Variants in CRIM1 observed in about 807,000 individuals in gnomAD.
CRIM1 encodes the protein cysteine rich transmembrane BMP regulator 1.
In CRIM1, 32 loss-of-function variants were observed where a neutral mutation model predicts 116.4. That is an observed-to-expected ratio of 0.27 (90% CI 0.21 to 0.37). CRIM1 has a LOEUF of 0.37. Ranked by LOEUF, CRIM1 falls within the 10% of genes least tolerant of loss-of-function variation. The pLI is 1.00. For missense variants in CRIM1, 1,331 were observed against 1,354.8 expected (o/e 0.98, Z 0.28); for synonymous variants, 590 against 509.2 (o/e 1.16, Z -2.13).
intron 4 of CRIM1, among the ~76,000 whole-genome samples, chr2:36,446,191 T>C (rs555327213): frequency 6.6e-6 from 1 of 152,308 alleles, no homozygotes; most frequent in African/African-American, 2.4e-5. Flanking sequence ...TCCCCTATCT[T>C]GAAGAATACA....
rs919283492 is a variant in CRIM1 at position 36,383,644 on chromosome 2, A to T, written c.332-12970A>T. Among the ~76,000 whole-genome samples, 3 of 152,190 alleles carry T rather than the reference A, an allele frequency of 2.0e-5. No individual in the cohort carries two copies. In the East Asian group the frequency reaches 5.8e-4, roughly 29 times the overall value. On this transcript the variant is annotated intron_variant, in intron 1 of 16. Coordinates refer to ENST00000280527, the MANE Select transcript of CRIM1 (RefSeq NM_016441.3). Reference sequence around the variant, plus strand: ...GAGGGAAGCAGTTTCTGCTCTCAAGAAGCTCAGCAATGCCTTAGGATAAGG... The same window carrying T: ...GAGGGAAGCAGTTTCTGCTCTCAAGTAGCTCAGCAATGCCTTAGGATAAGG...
intron 3 of CRIM1, 135 bp downstream of exon 3, chr2:36,441,635 G>T: frequency 8.8e-7 from 1 of 1,136,296 alleles, no homozygotes; most frequent in Admixed American, 2.3e-5. Context: ...CTGCCACTTT[G>T]GGCTAATGGC....
At chr2:36,437,432 AAG>A (rs1377554463) in intron 2 of CRIM1, among the ~76,000 whole-genome samples, 1 of 152,162 alleles carries the variant, frequency 6.6e-6, no homozygotes, top group Admixed American at 6.5e-5. Context: ...CCAACATAAA[AAG>A]AGAGAGAACT....
intron 15 of CRIM1, among the ~76,000 whole-genome samples, chr2:36,545,923 T>C (rs1006903401): frequency 1.3e-5 from 2 of 152,162 alleles, no homozygotes; most frequent in African/African-American, 4.8e-5. Flanking sequence ...GGAAAATATG[T>C]TTCTATAAAG....
intron 2 of CRIM1, among the ~76,000 whole-genome samples, chr2:36,439,366 C>T (rs1675591747): frequency 6.6e-6 from 1 of 152,176 alleles, no homozygotes; most frequent in African/African-American, 2.4e-5. Context: ...GCCCAGGTTC[C>T]CAAAGTCCTA....
intron 2 of CRIM1, among the ~76,000 whole-genome samples, chr2:36,411,754 C>G (rs1673227109): frequency 6.6e-6 from 1 of 151,744 alleles, no homozygotes; most frequent in South Asian, 2.1e-4. Context: ...TTAAGTGTTT[C>G]CTGAGAATTT....
intron 15 of CRIM1, among the ~76,000 whole-genome samples, chr2:36,546,466 A>G (rs1187507945): frequency 6.6e-6 from 1 of 152,176 alleles, no homozygotes; most frequent in African/African-American, 2.4e-5. Context: ...GAGTTCAGTG[A>G]ACCAGAGTAT....
intron 4 of CRIM1, among the ~76,000 whole-genome samples, chr2:36,447,370 A>G (rs1253054252): frequency 6.6e-6 from 1 of 152,252 alleles, no homozygotes; most frequent in Non-Finnish European, 1.5e-5. Flanking sequence ...TTCTATCTGC[A>G]TACCACATAC....
At chr2:36,394,673 G>A (rs1287246286) in intron 1 of CRIM1, among the ~76,000 whole-genome samples, 1 of 151,514 alleles carries the variant, frequency 6.6e-6, no homozygotes, top group African/African-American at 2.4e-5. Context: ...ACCAAATTTA[G>A]GCTAAATAGG....
rs370848114 is a variant in CRIM1 at position 36,476,843 on chromosome 2, T to G, written c.992-46T>G. On this transcript the variant is annotated intron_variant, in intron 5 of 16. Transcript: ENST00000280527. ...TTTGAAAAACATCAAAGGACACAAC[T>G]AAAAAATGACTACAAATATGCCTTG... 7 of 1,519,088 alleles carry G rather than the reference T, an allele frequency of 4.6e-6. No homozygotes were observed. The African/African-American group carries it at 9.7e-5, about 21-fold the overall frequency. 94.1% of individuals were successfully genotyped at this position (1,519,088 alleles called of 1,614,324 possible).
Position 36,356,368 on chromosome 2 carries a change from C to G in CRIM1, c.76C>G (p.Leu26Val). 2 of 1,595,656 alleles carry G rather than the reference C, an allele frequency of 1.3e-6. No individual in the cohort carries two copies. The highest frequency in any genetic ancestry group is 1.7e-6 in the Non-Finnish European group (2 of 1,173,480). Residue 26 changes from leucine to valine, a missense_variant, in exon 1 of 17, where the codon CTG becomes GTG. By Grantham distance (32) the Leu-to-Val change is conservative (BLOSUM62 1). Around this residue, in one of 3 missense-constraint regions of CRIM1, gnomAD observed 690 missense variants for 676.0 expected, o/e 1.02. Coordinates refer to ENST00000280527, the MANE Select transcript of CRIM1 (RefSeq NM_016441.3). This position sits in a 1 kb window ranked among gnomAD's most constrained non-coding sequence, Gnocchi z 4.3. The part of the protein sequence containing the change: ...LLVSLLGLLL[L>V]LARSGTRALV... Reference sequence around the variant, plus strand: ...GGTCTCGCTGCTGGGGCTGCTGCTGCTGCTGGCGCGCTCCGGCACCCGGGC... The same window carrying G: ...GGTCTCGCTGCTGGGGCTGCTGCTGGTGCTGGCGCGCTCCGGCACCCGGGC...
At chr2:36,380,495 A>G (rs1426002562) in intron 1 of CRIM1, among the ~76,000 whole-genome samples, 4 of 152,164 alleles carry the variant, frequency 2.6e-5, no homozygotes, top group East Asian at 3.9e-4. Flanking sequence ...GGGGCCTGCA[A>G]GCAGGAGGAG....
chr2:36,391,731 C>T (rs978391395), intron 1 of CRIM1, among the ~76,000 whole-genome samples: 1 of 151,334 alleles, frequency 6.6e-6, no homozygotes, highest in Non-Finnish European at 1.5e-5. Context: ...CAGGTCAAAA[C>T]TAATTCCATA....
At chr2:36,482,990 A>G (rs1484644643) in intron 7 of CRIM1, among the ~76,000 whole-genome samples, 1 of 152,186 alleles carries the variant, frequency 6.6e-6, no homozygotes, top group Non-Finnish European at 1.5e-5. Flanking sequence ...CTGTTACTTG[A>G]CAGCTAACTT....
Position 36,479,506 on chromosome 2 carries a change from A to G in CRIM1, c.1184A>G (p.Tyr395Cys), listed in dbSNP as rs774391886. ...ECCPVCEDPV[Y>C]PFNNPAGCYA... is the part of the protein sequence containing the mutation. ...TCATGTTCTCATTTAGATCCAGTGT[A>G]TCCTTTTAATAATCCCGCTGGCTGC... The change falls in exon 7 of 17, where the codon TAT becomes TGT. Residue 395 changes from tyrosine (Y) to cysteine (C), a missense_variant. This residue lies in a region of CRIM1 where 690 missense variants were observed against 676.0 expected (regional missense o/e 1.02). Transcript: ENST00000280527. 3 of 1,614,196 alleles carry G rather than the reference A, an allele frequency of 1.9e-6. No individual in the cohort carries two copies. The highest frequency in any genetic ancestry group is 1.1e-5 in the South Asian group (1 of 91,084).
intron 1 of CRIM1, among the ~76,000 whole-genome samples, chr2:36,368,208 A>T (rs972687758): frequency 2.6e-5 from 4 of 152,188 alleles, no homozygotes; most frequent in African/African-American, 9.7e-5. Context: ...CGCTGGCCAA[A>T]CGTGGCATGT....
At chr2:36,470,801 CA>C (rs1289114860) in intron 5 of CRIM1, among the ~76,000 whole-genome samples, 1 of 152,106 alleles carries the variant, frequency 6.6e-6, no homozygotes, top group Non-Finnish European at 1.5e-5. Flanking sequence ...AAAAACATTT[CA>C]TAAGATTAGC....
At chr2:36,533,870 C>T (rs1019707459) in intron 13 of CRIM1, among the ~76,000 whole-genome samples, 1 of 151,424 alleles carries the variant, frequency 6.6e-6, no homozygotes, top group African/African-American at 2.4e-5. Flanking sequence ...GGTCCACGCT[C>T]AGTCTAAGTT....
chr2:36,497,385 T>C lies in CRIM1; in HGVS notation c.1373-1834T>C, dbSNP rs181439009. Among the ~76,000 whole-genome samples the C allele has an allele frequency of 5.3e-4, 80 of 152,232 alleles. No homozygotes were observed. The South Asian group carries it at 8.1e-3, about 15-fold the overall frequency. ...TGGTTAGAGTAATTTTGACAAAACA[T>C]TGGCAGTCTTGGGACTGAAGACTGG... On this transcript the variant is annotated intron_variant, in intron 7 of 16. Coordinates refer to ENST00000280527, the MANE Select transcript of CRIM1 (RefSeq NM_016441.3).
Sources: gnomAD v4.1 joint callset for allele counts (sites outside exome capture counted in the v4.1 genomes callset) on GRCh38, gnomAD v4.1.1 for gene constraint, gnomAD v4.1.1 regional missense constraint, Gnocchi (gnomAD v3.1) non-coding constraint, MANE v1.5 for transcripts, NCBI Gene and HGNC (gene_info 2026-07-23, HGNC 2026-07-21) for gene names.